Variants in MYLK observed in about 807,000 individuals in gnomAD.
MYLK encodes myosin light chain kinase, also known as myosin light chain kinase, smooth muscle.
In MYLK, 106 loss-of-function variants were observed where a neutral mutation model predicts 203.4. The observed-to-expected ratio is 0.52, with a 90% CI of 0.45 to 0.61. The LOEUF (loss-of-function observed/expected upper bound fraction) is 0.61. Ranked by LOEUF, MYLK falls within the 20% of genes least tolerant of loss-of-function variation. MYLK has a pLI of 0.00. For synonymous variants in MYLK, 867 were observed against 959.5 expected (o/e 0.90, Z 1.78); for missense variants, 2,072 against 2,442.3 (o/e 0.85, Z 3.20).
At chr3:123,850,821 G>T (rs553130590) in intron 2 of MYLK, among the ~76,000 whole-genome samples, 19 of 152,214 alleles carry the variant, frequency 1.2e-4, no homozygotes, top group African/African-American at 4.3e-4. Context: ...TCCTTACCCA[G>T]GCCTATGTCC....
intron 4 of MYLK, among the ~76,000 whole-genome samples, chr3:123,753,970 A>G (rs867825528): frequency 9.8e-5 from 15 of 152,356 alleles, no homozygotes; most frequent in Middle Eastern, 3.4e-3. Flanking sequence ...GATCTGTAGC[A>G]ATAATCCTAC....
At chr3:123,704,944 A>G (rs2061403023) in intron 16 of MYLK, among the ~76,000 whole-genome samples, 1 of 152,056 alleles carries the variant, frequency 6.6e-6, no homozygotes, top group South Asian at 2.1e-4. Flanking sequence ...ATAAAAAAGA[A>G]CTAATTTCCT....
At chr3:123,753,116 C>T (rs995659917) in intron 4 of MYLK, among the ~76,000 whole-genome samples, 6 of 152,244 alleles carry the variant, frequency 3.9e-5, no homozygotes, top group South Asian at 2.1e-4. Context: ...CCACAGGTAG[C>T]GATGGAGCAC....
chr3:123,633,282 A>G lies in MYLK; in HGVS notation c.4962-3656T>C, dbSNP rs181942726. 3.9e-3 allele frequency among the ~76,000 whole-genome samples: 589 copies of G among 151,874 alleles called. 4 individuals carry two copies. The highest frequency in any genetic ancestry group is 0.014 in the African/African-American group (564 of 41,398). On this transcript the variant is annotated intron_variant, in intron 29 of 33. Coordinates refer to ENST00000360304, the MANE Select transcript of MYLK (RefSeq NM_053025.4). ...GCAGGGACCACAGGCGCACGCCACC[A>G]TGCCCAGCTACCTTATGTATTTCTT... is the stretch of plus-strand genomic sequence containing the variant.
rs754066107 is a variant in MYLK at position 123,734,098 on chromosome 3, G to A, written c.898C>T (p.Pro300Ser). The change falls in exon 10 of 34, where the codon CCC (proline) becomes TCC (serine). Residue 300 changes from proline (P) to serine (S), a missense_variant. Transcript: ENST00000360304. ...AAAKSKNCSSPQRGGSPPWAA... is the reference protein window; with the variant it reads ...AAAKSKNCSSSQRGGSPPWAA... ...CAGGGTGGGGAGCCACCTCTCTGGG[G>A]GCTGGAGCAGTTCTTGCTTTTGGCT... 1.9e-6 allele frequency: 3 copies of A among 1,608,814 alleles called. No homozygotes were observed. Among genetic ancestry groups the A allele is most frequent in the African/African-American group, 2.7e-5 (2 of 74,818 alleles).
chr3:123,692,014 T>C (rs865927099), intron 19 of MYLK, among the ~76,000 whole-genome samples: 9 of 152,326 alleles, frequency 5.9e-5, no homozygotes, highest in Admixed American at 4.6e-4. Context: ...AGGTTCATCC[T>C]ACTTCTCAGG....
chr3:123,689,992 G>C (rs2060599465), intron 19 of MYLK, among the ~76,000 whole-genome samples: 1 of 152,144 alleles, frequency 6.6e-6, no homozygotes, highest in Non-Finnish European at 1.5e-5. Context: ...TCATTTTTAT[G>C]AGATTTTGAA....
At chr3:123,854,575 A>G (rs1036642704) in intron 2 of MYLK, among the ~76,000 whole-genome samples, 6 of 152,026 alleles carry the variant, frequency 3.9e-5, no homozygotes, top group African/African-American at 1.4e-4. Flanking sequence ...CATATCCTTT[A>G]TGGGAACAAT....
chr3:123,809,464 T>C (rs574006645), intron 3 of MYLK, among the ~76,000 whole-genome samples: 2 of 152,144 alleles, frequency 1.3e-5, no homozygotes, highest in Non-Finnish European at 2.9e-5. Context: ...AGGCGGAAGT[T>C]GTGGTGAGCC....
At chr3:123,737,708 C>A (rs1223406990) in intron 7 of MYLK, among the ~76,000 whole-genome samples, 165 bp from the exon 8 acceptor site, 1 of 152,190 alleles carries the variant, frequency 6.6e-6, no homozygotes, top group Non-Finnish European at 1.5e-5. Context: ...TTAAACAGTT[C>A]AGGGGCCCTG....
chr3:123,773,917 C>A (rs147577845), intron 4 of MYLK, among the ~76,000 whole-genome samples: 21 of 152,336 alleles, frequency 1.4e-4, no homozygotes, highest in African/African-American at 4.8e-4. Context: ...GGTGGCCTGG[C>A]AAACTCCTGG....
chr3:123,757,377 G>A (rs956943432), intron 4 of MYLK, among the ~76,000 whole-genome samples: 1 of 152,126 alleles, frequency 6.6e-6, no homozygotes, highest in African/African-American at 2.4e-5. Flanking sequence ...CTGCAGATCT[G>A]CCGCATGTCT....
chr3:123,819,440 TA>T (rs2065849638), intron 3 of MYLK, among the ~76,000 whole-genome samples: 1 of 152,194 alleles, frequency 6.6e-6, no homozygotes, highest in African/African-American at 2.4e-5. Flanking sequence ...TGATTACTGT[TA>T]CTGTTGTGAA....
intron 3 of MYLK, among the ~76,000 whole-genome samples, chr3:123,810,082 G>A (rs997592828): frequency 5.9e-5 from 9 of 152,122 alleles, no homozygotes; most frequent in African/African-American, 2.2e-4. Flanking sequence ...AGGGCCTAAG[G>A]CTCAGAACTC....
Position 123,640,576 on chromosome 3 carries a change from G to T in MYLK, c.4620-72C>A. On this transcript the variant is annotated intron_variant, in intron 27 of 33. Coordinates refer to ENST00000360304, the MANE Select transcript of MYLK (RefSeq NM_053025.4). The surrounding 1 kb of genome is among the most constrained non-coding windows in gnomAD (Gnocchi z 4.3). ...GCCAGGCTGGCAGGGAGTCTGGCCA[G>T]GGTAGGCTGGGGGTAGGAGAAATTG... 6.6e-7 allele frequency: 1 copy of T among 1,519,736 alleles called. No homozygotes were observed. The highest frequency in any genetic ancestry group is 2.3e-5 in the East Asian group (1 of 44,118). The allele number at this position is 1,519,736 out of a possible 1,614,324, so 94.1% of individuals were successfully genotyped here. A position where few individuals can be genotyped will look rare whatever the true frequency, so the allele number is the denominator to read the frequency against.
intron 3 of MYLK, among the ~76,000 whole-genome samples, chr3:123,800,957 G>T (rs2065175640): frequency 6.6e-6 from 1 of 152,060 alleles, no homozygotes; most frequent in Non-Finnish European, 1.5e-5. Context: ...AATTAAAACT[G>T]GGAAATATTA....
Position 123,732,893 on chromosome 3 carries a change from CACTTTCCACTTGG to C in MYLK, c.1506_1516+2del, listed in dbSNP as rs781608082. 1 of 1,613,186 alleles carries C rather than the reference CACTTTCCACTTGG, an allele frequency of 6.2e-7. No individual in the cohort carries two copies. The highest frequency in any genetic ancestry group is 1.1e-5 in the South Asian group (1 of 91,046). ...GCGGGGTGACCTGGAGAAGTGTACTCACTTTCCACTTGGAGGGTCCAGCTACAGGACAGCTGGC... is the reference window on the plus strand; with the variant it reads ...GCGGGGTGACCTGGAGAAGTGTACTCAGGGTCCAGCTACAGGACAGCTGGC... On this transcript the variant is annotated splice_donor_variant and coding_sequence_variant, in exon 11 of 34. Transcript: ENST00000360304. LOFTEE classifies it high-confidence loss of function.
At chr3:123,800,720 G>A (rs2065166906) in intron 3 of MYLK, among the ~76,000 whole-genome samples, 1 of 152,170 alleles carries the variant, frequency 6.6e-6, no homozygotes, top group African/African-American at 2.4e-5. Flanking sequence ...GGCAGACTGT[G>A]GACATCCGAA....
intron 2 of MYLK, among the ~76,000 whole-genome samples, chr3:123,832,219 T>G (rs2066352349): frequency 6.6e-6 from 1 of 152,174 alleles, no homozygotes; most frequent in South Asian, 2.1e-4. Flanking sequence ...ATATGCTCTG[T>G]TCCCCCAGCA....
Sources: gnomAD v4.1 joint callset for allele counts (sites outside exome capture counted in the v4.1 genomes callset) on GRCh38, gnomAD v4.1.1 for gene constraint, Gnocchi (gnomAD v3.1) non-coding constraint, MANE v1.5 for transcripts, NCBI Gene and HGNC (gene_info 2026-07-23, HGNC 2026-07-21) for gene names.